The following ODF2 variants were observed in gnomAD, a reference collection of about 807,000 sequenced individuals.
ODF2 encodes the protein outer dense fiber of sperm tails 2, also known as outer dense fiber protein 2.
A neutral mutation model predicts 110.2 loss-of-function variants in ODF2; 47 were observed. The ratio of observed to expected loss-of-function variants is 0.43; its 90% CI spans 0.34 to 0.54. ODF2 has a LOEUF of 0.54. ODF2 is among the 20% of genes least tolerant of loss of function. The probability of loss-of-function intolerance (pLI) is 0.03; values close to 1 mark genes in which losing one functional copy is unlikely to be tolerated. For synonymous variants in ODF2, 352 were observed against 397.7 expected, an observed-to-expected ratio of 0.89 and a Z score of 1.37; for missense variants, 812 against 1,054.5, an observed-to-expected ratio of 0.77 and a Z score of 3.19.
rs537845432 is a variant in ODF2 at position 128,485,695 on chromosome 9, G to GA, written c.1400+221_1400+222insA. ...GTCCTGGGGTCCTACCCTACTGTCA[G>GA]GCACTGGCTAGGGGCCGGGTCTTTC... On this transcript the variant is annotated intron_variant, in intron 13 of 20. Transcript: ENST00000604420. This position sits in a 1 kb window ranked among gnomAD's most constrained non-coding sequence, Gnocchi z 5.0. Among the ~76,000 whole-genome samples the GA allele has an allele frequency of 5.6e-4, 86 of 152,300 alleles. No individual in the cohort carries two copies. Among genetic ancestry groups the GA allele is most frequent in the African/African-American group, 1.8e-3 (74 of 41,564 alleles).
At chr9:128,498,665 C>T in intron 19 of ODF2, 90 bp downstream of exon 19, 1 of 740,494 alleles carries the variant, frequency 1.4e-6, no homozygotes. Context: ...AAAATGGGCA[C>T]ACAGTAGTAC....
chr9:128,481,905 G>A (rs570237209), intron 9 of ODF2, among the ~76,000 whole-genome samples: 3 of 152,188 alleles, frequency 2.0e-5, no homozygotes, highest in Non-Finnish European at 4.4e-5. Flanking sequence ...TGTTGGATTT[G>A]TAAATCATCC....
At chr9:128,456,870 C>G (rs1473076899) in intron 1 of ODF2, 1 of 1,299,240 alleles carries the variant, frequency 7.7e-7, no homozygotes, top group African/African-American at 1.6e-5. Flanking sequence ...CCGCGCCTCC[C>G]TCCTTTAAAC....
downstream of ODF2, chr9:128,501,081 A>G (rs1846385170): frequency 6.6e-6 from 1 of 152,194 alleles, no homozygotes; most frequent in Non-Finnish European, 1.5e-5. Flanking sequence ...GGTGCCTGAA[A>G]CATCAGGCTT....
intron 3 of ODF2, 22 bp downstream of exon 3, chr9:128,460,688 G>A (rs763048445): frequency 2.2e-5 from 36 of 1,613,400 alleles, no homozygotes; most frequent in Non-Finnish European, 2.6e-5. Flanking sequence ...CCAGTGGGGC[G>A]AGGTAGTAGC....
At chr9:128,477,654 G>A (rs912084767) in intron 8 of ODF2, among the ~76,000 whole-genome samples, 4 of 150,904 alleles carry the variant, frequency 2.7e-5, no homozygotes, top group Non-Finnish European at 1.5e-5. Flanking sequence ...CACCGAGGCT[G>A]GAGTGCAGTG....
At chr9:128,460,874 G>C (rs1277809145) in intron 3 of ODF2, 68 bp from the exon 4 acceptor site, 1 of 1,604,058 alleles carries the variant, frequency 6.2e-7, no homozygotes, top group Non-Finnish European at 8.5e-7. Flanking sequence ...GTCGGAGAGG[G>C]ATGTCACTAG....
chr9:128,492,664 T>G, intron 15 of ODF2, 37 bp from the exon 16 acceptor site: 3 of 1,595,262 alleles, frequency 1.9e-6, no homozygotes, highest in Non-Finnish European at 2.6e-6. Context: ...AAAACGTGGC[T>G]CTACCTAAGA....
At chr9:128,457,059 C>A in intron 1 of ODF2, 1 of 1,311,170 alleles carries the variant, frequency 7.6e-7, no homozygotes, top group Non-Finnish European at 9.9e-7. Flanking sequence ...CTCAGGTTTC[C>A]CCCGGTAGCC....
chr9:128,464,179 G>A (rs189004391), intron 4 of ODF2, among the ~76,000 whole-genome samples: 1,171 of 113,094 alleles, frequency 0.01, 16 homozygotes, highest in African/African-American at 0.038. Flanking sequence ...TTTTTGAGAC[G>A]GAGTCTCGCT....
At chr9:128,483,284 T>C (rs972712662) in intron 10 of ODF2, among the ~76,000 whole-genome samples, 2 of 152,142 alleles carry the variant, frequency 1.3e-5, no homozygotes, top group South Asian at 2.1e-4. Context: ...CAGTAGCTCA[T>C]GTCTGGCACT....
chr9:128,457,175 A>G (rs745642294), intron 1 of ODF2: 10 of 1,507,202 alleles, frequency 6.6e-6, no homozygotes, highest in African/African-American at 4.2e-5. Flanking sequence ...CTCAGCCTCT[A>G]CTATTTCCCC....
exon 3 of ODF2, chr9:128,459,632 G>T: frequency 6.2e-7 from 1 of 1,613,960 alleles, no homozygotes; most frequent in Non-Finnish European, 8.5e-7. Flanking sequence ...AGAGCACCTT[G>T]TGGCGCACCC....
chr9:128,462,791 C>T (rs1399182490), intron 4 of ODF2, among the ~76,000 whole-genome samples: 15 of 151,850 alleles, frequency 9.9e-5, no homozygotes, highest in Non-Finnish European at 1.6e-4. Context: ...GACGGGGTTT[C>T]ACCGTGTTAG....
At position 128,478,299 on chromosome 9, in the gene ODF2, T is replaced by C. The variant is rs555623684; in HGVS notation, c.844-3281T>C. On this transcript the variant is annotated intron_variant, in intron 8 of 20. Coordinates refer to ENST00000604420, the Ensembl canonical transcript of ODF2. The stretch of plus-strand genomic sequence containing the variant: ...GCCTGGATGACAGAGCCAGACACTA[T>C]CTCAAAAAGGAAAGAAAGCCAGGCA... 2.0e-4 allele frequency among the ~76,000 whole-genome samples: 30 copies of C among 152,222 alleles called. No homozygotes were observed. In the East Asian group the frequency reaches 5.8e-3, roughly 29 times the overall value.
At position 128,492,693 on chromosome 9, in the gene ODF2, G is replaced by A. The variant is rs1276124644; in HGVS notation, c.1648-8G>A. 6.2e-7 allele frequency: 1 copy of A among 1,612,386 alleles called. No homozygotes were observed. Among genetic ancestry groups the A allele is most frequent in the South Asian group, 1.1e-5 (1 of 91,042 alleles). ...CCTAAGATGAACCACAGTGTTGTTG[G>A]TCCCTAGGTGATGAAGACCAGATTG... On this transcript the variant is annotated splice_polypyrimidine_tract_variant and splice_region_variant and intron_variant, in intron 15 of 20. Coordinates refer to ENST00000604420, the Ensembl canonical transcript of ODF2.
chr9:128,479,856 T>C (rs1284995972), intron 8 of ODF2, among the ~76,000 whole-genome samples: 4 of 152,224 alleles, frequency 2.6e-5, no homozygotes, highest in Non-Finnish European at 5.9e-5. Context: ...GAATGGCTGC[T>C]TAATGGTACA....
At chr9:128,496,364 A>G in intron 18 of ODF2, 1 of 1,399,434 alleles carries the variant, frequency 7.1e-7, no homozygotes. Context: ...CAGCATGATC[A>G]GGATCTGCCC....
At chr9:128,477,244 A>AAT (rs1442484366) in intron 8 of ODF2, among the ~76,000 whole-genome samples, 7 of 151,468 alleles carry the variant, frequency 4.6e-5, no homozygotes, top group Admixed American at 4.6e-4. Flanking sequence ...AAAAAAAAAA[A>AAT]AACCTGTTAA....
Sources: allele counts gnomAD v4.1 joint callset (sites outside exome capture counted in the v4.1 genomes callset), GRCh38; gene constraint gnomAD v4.1.1; non-coding constraint Gnocchi (gnomAD v3.1); transcripts MANE v1.5; gene names NCBI Gene and HGNC (gene_info 2026-07-23, HGNC 2026-07-21).